LRRTM3: variants seen among roughly 807,000 people sequenced by gnomAD.
LRRTM3 encodes leucine-rich repeat transmembrane neuronal protein 3.
In LRRTM3, 24 loss-of-function variants were observed where a neutral mutation model predicts 44.7. The observed-to-expected ratio is 0.54, with a 90% CI of 0.39 to 0.76. The LOEUF (loss-of-function observed/expected upper bound fraction) is 0.76, where lower values mean the gene tolerates loss of function less well. Among genes scored for constraint, LRRTM3 ranks in the 30% least tolerant of loss-of-function variants. LRRTM3 has a pLI of 0.00. For missense variants in LRRTM3, 587 were observed against 702.2 expected, an observed-to-expected ratio of 0.84 and a Z score of 1.85; for synonymous variants, 277 against 278.7, an observed-to-expected ratio of 0.99 and a Z score of 0.06.
rs61866244 is a variant in LRRTM3 at position 67,044,539 on chromosome 10, C to A, written c.1537-53048C>A. ...AAAGTTTCCCAGATTCCCCATTGAG[C>A]TAATCTCTGTGAGTGCTCATTATAA... On this transcript the variant is annotated intron_variant, in intron 2 of 2. Coordinates refer to ENST00000361320, the MANE Select transcript of LRRTM3 (RefSeq NM_178011.5). Among the ~76,000 whole-genome samples, 669 of 152,258 alleles carry A rather than the reference C, an allele frequency of 4.4e-3. 2 individuals carry two copies. Among genetic ancestry groups the A allele is most frequent in the Non-Finnish European group, 7.3e-3 (497 of 68,016 alleles).
At chr10:67,008,752 C>T (rs1432572313) in intron 2 of LRRTM3, among the ~76,000 whole-genome samples, 2 of 152,182 alleles carry the variant, frequency 1.3e-5, no homozygotes, top group Non-Finnish European at 2.9e-5. Context: ...GGCATATTCA[C>T]AAGTGGTAGC....
chr10:66,957,335 G>A lies in LRRTM3; in HGVS notation c.1536+28883G>A, dbSNP rs1177646954. Reference sequence around the variant, plus strand: ...CATTTATTCCACAGTAGAAATGAGAGACAAGTAAAAAATACTTTAGAAGAA... The same window carrying A: ...CATTTATTCCACAGTAGAAATGAGAAACAAGTAAAAAATACTTTAGAAGAA... On this transcript the variant is annotated intron_variant, in intron 2 of 2. Transcript: ENST00000361320. Among the ~76,000 whole-genome samples, 80 of 149,790 alleles carry A rather than the reference G, an allele frequency of 5.3e-4. 1 individual carries two copies. In the Admixed American group the frequency reaches 5.4e-3, roughly 10 times the overall value.
chr10:66,976,627 T>C (rs1329941403), intron 2 of LRRTM3, among the ~76,000 whole-genome samples: 1 of 152,228 alleles, frequency 6.6e-6, no homozygotes, highest in Non-Finnish European at 1.5e-5. Flanking sequence ...TTTTTGGCCC[T>C]TTTCAATACT....
chr10:67,055,950 T>C (rs537598516), intron 2 of LRRTM3, among the ~76,000 whole-genome samples: 208 of 152,238 alleles, frequency 1.4e-3, no homozygotes, highest in African/African-American at 4.7e-3. Flanking sequence ...TTTACACTGA[T>C]GATAATGTGT....
At chr10:67,050,034 C>T (rs1322552808) in intron 2 of LRRTM3, among the ~76,000 whole-genome samples, 3 of 152,074 alleles carry the variant, frequency 2.0e-5, no homozygotes, top group Non-Finnish European at 2.9e-5. Context: ...CTGATCTCAC[C>T]AATTCATTGA....
intron 2 of LRRTM3, among the ~76,000 whole-genome samples, chr10:66,944,017 T>C (rs989843767): frequency 2.0e-5 from 3 of 152,118 alleles, no homozygotes; most frequent in East Asian, 3.9e-4. Context: ...TTGCTAAAAG[T>C]TGAGGTGACT....
At position 66,969,908 on chromosome 10, in the gene LRRTM3, C is replaced by G. The variant is rs1221908248; in HGVS notation, c.1536+41456C>G. Among the ~76,000 whole-genome samples the G allele has an allele frequency of 2.0e-5, 3 of 152,158 alleles. No individual in the cohort carries two copies. The East Asian group carries it at 5.8e-4, about 29-fold the overall frequency. ...TATCAGAAACATCTTAGTGAAACAG[C>G]ATGAAAGTTTATGAACCTCAGGATT... On this transcript the variant is annotated intron_variant, in intron 2 of 2. Transcript: ENST00000361320.
chr10:67,035,073 C>G (rs905271878), intron 2 of LRRTM3, among the ~76,000 whole-genome samples: 1 of 152,182 alleles, frequency 6.6e-6, no homozygotes, highest in East Asian at 1.9e-4. Flanking sequence ...ACTGATAGCT[C>G]CGCATAGCCC....
intron 2 of LRRTM3, among the ~76,000 whole-genome samples, chr10:67,048,983 T>C (rs1854920953): frequency 6.6e-6 from 1 of 152,044 alleles, no homozygotes; most frequent in South Asian, 2.1e-4. Context: ...TAATTTTATT[T>C]TCTTTTAACA....
intron 2 of LRRTM3, among the ~76,000 whole-genome samples, chr10:66,985,501 T>C (rs904615053): frequency 1.3e-5 from 2 of 152,064 alleles, no homozygotes; most frequent in Non-Finnish European, 2.9e-5. Flanking sequence ...GCCCTCCTCC[T>C]CCCCTAGTTC....
At chr10:67,030,775 G>A (rs1370187430) in intron 2 of LRRTM3, among the ~76,000 whole-genome samples, 1 of 152,202 alleles carries the variant, frequency 6.6e-6, no homozygotes, top group East Asian at 1.9e-4. Context: ...GGAGGCCGAG[G>A]TGGGCAGATC....
intron 2 of LRRTM3, among the ~76,000 whole-genome samples, chr10:67,035,426 T>A (rs1056411809): frequency 6.6e-6 from 1 of 152,194 alleles, no homozygotes; most frequent in Admixed American, 6.5e-5. Context: ...GTTAAGTTCC[T>A]TTGAAGTTGT....
chr10:67,010,960 T>C (rs1852288084), intron 2 of LRRTM3, among the ~76,000 whole-genome samples: 1 of 152,088 alleles, frequency 6.6e-6, no homozygotes, highest in Admixed American at 6.5e-5. Flanking sequence ...TAGACAACTA[T>C]AATATAATAG....
At chr10:66,985,991 G>A (rs925933694) in intron 2 of LRRTM3, among the ~76,000 whole-genome samples, 3 of 152,080 alleles carry the variant, frequency 2.0e-5, no homozygotes, top group Non-Finnish European at 4.4e-5. Flanking sequence ...CTCCAAAAGT[G>A]CTGGGATTAC....
rs143503853 is a variant in LRRTM3 at position 67,055,911 on chromosome 10, T to C, written c.1537-41676T>C. On this transcript the variant is annotated intron_variant, in intron 2 of 2. Transcript: ENST00000361320. ...AGATTTAGTTATTGACTGGGAATTC[T>C]GGTCAAGGAGGAATATTTTCAGGTT... 5.3e-5 allele frequency among the ~76,000 whole-genome samples: 8 copies of C among 152,266 alleles called. No individual in the cohort carries two copies. The East Asian group carries it at 1.2e-3, about 22-fold the overall frequency.
intron 2 of LRRTM3, among the ~76,000 whole-genome samples, chr10:67,058,975 C>T (rs919967718): frequency 6.6e-6 from 1 of 152,180 alleles, no homozygotes; most frequent in Non-Finnish European, 1.5e-5. Context: ...TTTATCATGA[C>T]TAAAAATTTT....
At chr10:67,013,497 C>T (rs559381598) in intron 2 of LRRTM3, among the ~76,000 whole-genome samples, 15 of 152,260 alleles carry the variant, frequency 9.9e-5, no homozygotes, top group Admixed American at 8.5e-4. Flanking sequence ...AGTCCATTCA[C>T]GTGCTGTGCA....
chr10:67,037,539 A>C (rs1854137495), intron 2 of LRRTM3, among the ~76,000 whole-genome samples: 1 of 152,168 alleles, frequency 6.6e-6, no homozygotes, highest in South Asian at 2.1e-4. Context: ...TCTGCATTTC[A>C]GGTAGATTCA....
At chr10:67,054,286 G>C (rs1485468293) in intron 2 of LRRTM3, among the ~76,000 whole-genome samples, 4 of 152,042 alleles carry the variant, frequency 2.6e-5, no homozygotes, top group Non-Finnish European at 5.9e-5. Context: ...CAGAACATCA[G>C]GAAGAAACAT....
Sources: gnomAD v4.1 joint callset for allele counts (sites outside exome capture counted in the v4.1 genomes callset) on GRCh38, gnomAD v4.1.1 for gene constraint, MANE v1.5 for transcripts, NCBI Gene and HGNC (gene_info 2026-07-23, HGNC 2026-07-21) for gene names.